DOK5: variants seen among roughly 807,000 people sequenced by gnomAD.
DOK5 encodes docking protein 5.
Under a neutral mutation model 43.3 loss-of-function variants are expected in DOK5, and 27 were observed. The observed-to-expected ratio is 0.62, with a 90% CI of 0.46 to 0.86. The LOEUF (loss-of-function observed/expected upper bound fraction) is 0.86, where lower values mean the gene tolerates loss of function less well. DOK5 is among the 40% of genes least tolerant of loss of function. The probability of loss-of-function intolerance (pLI) is 0.00; values close to 1 mark genes in which losing one functional copy is unlikely to be tolerated. For synonymous variants in DOK5, 146 were observed against 140.1 expected, an observed-to-expected ratio of 1.04 and a Z score of -0.30; for missense variants, 373 against 392.9, an observed-to-expected ratio of 0.95 and a Z score of 0.43.
intron 1 of DOK5, among the ~76,000 whole-genome samples, chr20:54,482,776 C>T (rs1036859870): frequency 1.3e-5 from 2 of 152,204 alleles, no homozygotes; most frequent in African/African-American, 2.4e-5. Flanking sequence ...GGATTACAGG[C>T]GTGAGCCACC....
intron 5 of DOK5, among the ~76,000 whole-genome samples, chr20:54,609,533 A>G (rs1008580463): frequency 1.3e-5 from 2 of 150,650 alleles, no homozygotes; most frequent in Non-Finnish European, 2.9e-5. Context: ...GCATATATAC[A>G]CACACACTAA....
chr20:54,635,103 A>T (rs1185403100), intron 6 of DOK5, among the ~76,000 whole-genome samples: 1 of 152,200 alleles, frequency 6.6e-6, no homozygotes. Flanking sequence ...CTCCCTTTGG[A>T]GTTCAGGCAA....
chr20:54,627,577 C>T (rs750491014), intron 6 of DOK5, among the ~76,000 whole-genome samples: 12 of 152,120 alleles, frequency 7.9e-5, no homozygotes, highest in African/African-American at 1.2e-4. Context: ...AGGTTGAAAG[C>T]GGAGAGAGCC....
At chr20:54,596,422 C>A (rs147012947) in intron 5 of DOK5, among the ~76,000 whole-genome samples, 60 of 152,362 alleles carry the variant, frequency 3.9e-4, no homozygotes, top group African/African-American at 1.4e-3. Context: ...AAGTTCTGCT[C>A]ATGTTCAGCC....
intron 1 of DOK5, among the ~76,000 whole-genome samples, chr20:54,507,254 G>A (rs7264429): frequency 0.022 from 3,277 of 152,122 alleles, 130 homozygotes; most frequent in African/African-American, 0.075. Flanking sequence ...TAACTACATA[G>A]AAAATAAAAA....
At chr20:54,505,680 G>A (rs1276985231) in intron 1 of DOK5, among the ~76,000 whole-genome samples, 3 of 152,090 alleles carry the variant, frequency 2.0e-5, no homozygotes, top group African/African-American at 7.2e-5. Context: ...ATAGGGGGTG[G>A]GAGATGCAAT....
intron 1 of DOK5, among the ~76,000 whole-genome samples, chr20:54,515,524 C>T (rs905124405): frequency 2.0e-5 from 3 of 152,128 alleles, no homozygotes; most frequent in African/African-American, 4.8e-5. Flanking sequence ...AAGCCAAGGA[C>T]GTAGATATCT....
At chr20:54,573,667 A>G (rs1985364052) in intron 2 of DOK5, among the ~76,000 whole-genome samples, 1 of 137,482 alleles carries the variant, frequency 7.3e-6, no homozygotes, top group African/African-American at 2.8e-5. Flanking sequence ...AGCCTGGGTT[A>G]TAGAGGGAGA....
intron 6 of DOK5, among the ~76,000 whole-genome samples, chr20:54,641,724 A>C (rs557425047): frequency 1.3e-5 from 2 of 152,304 alleles, no homozygotes; most frequent in African/African-American, 4.8e-5. Context: ...ACATTGCACT[A>C]GGTCTGTAAC....
chr20:54,637,737 G>GTTCA (rs1192192083), intron 6 of DOK5, among the ~76,000 whole-genome samples: 11 of 152,274 alleles, frequency 7.2e-5, no homozygotes, highest in South Asian at 4.1e-4. Flanking sequence ...CAAATCCTGG[G>GTTCA]TTCATTCATT....
intron 1 of DOK5, among the ~76,000 whole-genome samples, chr20:54,492,792 G>A (rs1019724283): frequency 1.3e-5 from 2 of 151,678 alleles, no homozygotes; most frequent in African/African-American, 2.4e-5. Flanking sequence ...GGTGGCTCAC[G>A]CCTGTAATCC....
At chr20:54,601,530 T>A (rs1002402090) in intron 5 of DOK5, among the ~76,000 whole-genome samples, 1 of 152,270 alleles carries the variant, frequency 6.6e-6, no homozygotes, top group African/African-American at 2.4e-5. Flanking sequence ...AGATAATTAA[T>A]TTATTCTTCT....
intron 2 of DOK5, among the ~76,000 whole-genome samples, chr20:54,583,115 T>G (rs1985691555): frequency 1.3e-5 from 2 of 152,166 alleles, no homozygotes; most frequent in African/African-American, 2.4e-5. Context: ...TTTTGATTCC[T>G]TCTTTGATCT....
intron 1 of DOK5, among the ~76,000 whole-genome samples, chr20:54,524,354 T>A (rs1970007): frequency 1 from 152,214 of 152,324 alleles, 76,052 homozygotes; most frequent in Middle Eastern, 1. Flanking sequence ...ATATATGCTG[T>A]TAAATGGCCC....
intron 1 of DOK5, among the ~76,000 whole-genome samples, chr20:54,484,567 TGATACAATTAAGATATA>T (rs1981852369): frequency 6.6e-6 from 1 of 152,194 alleles, no homozygotes; most frequent in Non-Finnish European, 1.5e-5. Context: ...ATATTGACAA[TGATACAATTAAGATATA>T]GAACATTTCA....
At chr20:54,517,896 C>G (rs750517974) in intron 1 of DOK5, among the ~76,000 whole-genome samples, 1 of 152,146 alleles carries the variant, frequency 6.6e-6, no homozygotes, top group Non-Finnish European at 1.5e-5. Flanking sequence ...GCTGAACTTG[C>G]CAGTGCCTTG....
intron 1 of DOK5, among the ~76,000 whole-genome samples, chr20:54,480,574 G>A (rs114893905): frequency 0.023 from 3,566 of 152,262 alleles, 121 homozygotes; most frequent in African/African-American, 0.081. Context: ...CTATGGAGTA[G>A]CCATTCTTTA....
intron 1 of DOK5, among the ~76,000 whole-genome samples, chr20:54,502,446 TAC>T (rs1359114724): frequency 3.3e-5 from 5 of 152,156 alleles, no homozygotes; most frequent in Non-Finnish European, 5.9e-5. Flanking sequence ...TTAAAAATTT[TAC>T]AGTCATTCAC....
In DOK5 at chr20:54,534,336, C is replaced by T. The variant is rs896289379; in HGVS notation, c.67-20597C>T. ...CAGAGTAGCTGAGACTACAGGCGCA[C>T]GCCACCATGCCCAGATAATTTTTGT... On this transcript the variant is annotated intron_variant, in intron 1 of 7. Transcript: ENST00000262593. 7.9e-5 allele frequency among the ~76,000 whole-genome samples: 12 copies of T among 152,238 alleles called. No individual in the cohort carries two copies. The South Asian group carries it at 1.0e-3, about 13-fold the overall frequency.
Sources: allele counts gnomAD v4.1 joint callset (sites outside exome capture counted in the v4.1 genomes callset), GRCh38; gene constraint gnomAD v4.1.1; transcripts MANE v1.5; gene names NCBI Gene and HGNC (gene_info 2026-07-23, HGNC 2026-07-21).